MKLN1: variants seen among roughly 807,000 people sequenced by gnomAD.
MKLN1 encodes the protein muskelin.
A neutral mutation model predicts 99.0 loss-of-function variants in MKLN1; 18 were observed. That is an observed-to-expected ratio of 0.18 (90% CI 0.13 to 0.27). The LOEUF (loss-of-function observed/expected upper bound fraction) is 0.27. Ranked by LOEUF, MKLN1 falls within the 10% of genes least tolerant of loss-of-function variation. MKLN1 has a pLI of 1.00. For synonymous variants in MKLN1, 288 were observed against 293.2 expected, an observed-to-expected ratio of 0.98 and a Z score of 0.18; for missense variants, 621 against 875.9, an observed-to-expected ratio of 0.71 and a Z score of 3.67.
intron 3 of MKLN1, among the ~76,000 whole-genome samples, chr7:131,230,221 A>G (rs1797221677): frequency 6.6e-6 from 1 of 152,134 alleles, no homozygotes; most frequent in Non-Finnish European, 1.5e-5. Context: ...TTTAATATTA[A>G]TATGGGTCAG....
chr7:131,279,370 A>G (rs1265942238), intron 3 of MKLN1, among the ~76,000 whole-genome samples: 3 of 152,224 alleles, frequency 2.0e-5, no homozygotes, highest in Non-Finnish European at 4.4e-5. Flanking sequence ...ATCTTTGCAA[A>G]TGCAAAGATC....
chr7:131,172,574 C>T (rs946685513), intron 2 of MKLN1, among the ~76,000 whole-genome samples: 10 of 152,154 alleles, frequency 6.6e-5, no homozygotes, highest in African/African-American at 2.2e-4. Flanking sequence ...CTCGGCCTCC[C>T]AAAGTGCTAG....
At chr7:131,276,387 C>G (rs938174675) in intron 3 of MKLN1, among the ~76,000 whole-genome samples, 17 of 152,016 alleles carry the variant, frequency 1.1e-4, no homozygotes, top group African/African-American at 4.1e-4. Context: ...GAAGGGAGGT[C>G]AAAGTTCAGA....
intron 3 of MKLN1, among the ~76,000 whole-genome samples, chr7:131,317,985 A>T (rs1344988070): frequency 6.6e-6 from 1 of 152,136 alleles, no homozygotes; most frequent in African/African-American, 2.4e-5. Context: ...CTATAAAGAG[A>T]CTTAGACTCC....
intron 1 of MKLN1, among the ~76,000 whole-genome samples, chr7:131,133,065 C>A (rs1795583329): frequency 6.6e-6 from 1 of 151,586 alleles, no homozygotes; most frequent in South Asian, 2.1e-4. Flanking sequence ...AGGCACTCAA[C>A]AAATATATAT....
intron 11 of MKLN1, among the ~76,000 whole-genome samples, chr7:131,445,039 A>G (rs1261858581): frequency 1.3e-5 from 2 of 152,106 alleles, no homozygotes; most frequent in Admixed American, 6.5e-5. Flanking sequence ...AAAACTAACA[A>G]CAGAATCACT....
chr7:131,324,370 C>T (rs1409342103), upstream of MKLN1: 1 of 152,182 alleles, frequency 6.6e-6, no homozygotes, highest in East Asian at 1.9e-4. Context: ...AGAAACACCA[C>T]CAGCTGGTTG....
intron 1 of MKLN1, among the ~76,000 whole-genome samples, chr7:131,368,540 TG>T (rs1800249419): frequency 6.6e-6 from 1 of 152,166 alleles, no homozygotes; most frequent in Non-Finnish European, 1.5e-5. Context: ...CTTCTTCTCA[TG>T]GCAGCAGGAG....
At chr7:131,279,651 T>G (rs963836166) in intron 3 of MKLN1, among the ~76,000 whole-genome samples, 2 of 151,698 alleles carry the variant, frequency 1.3e-5, no homozygotes, top group African/African-American at 4.8e-5. Flanking sequence ...TTACAAAAAA[T>G]AAAAAAGTTA....
chr7:131,198,692 G>A (rs1796683842), intron 2 of MKLN1, among the ~76,000 whole-genome samples: 1 of 152,148 alleles, frequency 6.6e-6, no homozygotes, highest in Non-Finnish European at 1.5e-5. Flanking sequence ...GTAGAAGACT[G>A]TGAACTATAA....
intron 3 of MKLN1, among the ~76,000 whole-genome samples, chr7:131,247,872 T>TTTGTTTTG (rs1554542122): frequency 6.6e-6 from 1 of 151,534 alleles, no homozygotes; most frequent in African/African-American, 2.4e-5. Context: ...GCTACTGCCT[T>TTTGTTTTG]TTTTGTTTTG....
At chr7:131,428,942 C>A in intron 8 of MKLN1, 91 bp from the exon 9 acceptor site, 2 of 884,130 alleles carry the variant, frequency 2.3e-6, no homozygotes, top group Non-Finnish European at 3.6e-6. Flanking sequence ...GATGTAGCTT[C>A]TTAAGTGGCC....
intron 3 of MKLN1, among the ~76,000 whole-genome samples, chr7:131,217,744 A>G (rs1304925647): frequency 3.3e-5 from 5 of 152,158 alleles, no homozygotes; most frequent in African/African-American, 1.2e-4. Flanking sequence ...TCCTTAAAAG[A>G]GTGTTAGTTT....
At position 131,372,349 on chromosome 7, in the gene MKLN1, A is replaced by G. The variant is rs890222992; in HGVS notation, c.99-3075A>G. On this transcript the variant is annotated intron_variant, in intron 1 of 17. Coordinates refer to ENST00000352689, the MANE Select transcript of MKLN1 (RefSeq NM_013255.5). ...TTTGGGAAAAAGCTTTTTTTGTGAT[A>G]TGAAAGGAATTTGTGTTAATTTTAG... 6.6e-5 allele frequency among the ~76,000 whole-genome samples: 10 copies of G among 152,144 alleles called. No individual in the cohort carries two copies. In the East Asian group the frequency reaches 1.2e-3, roughly 18 times the overall value.
At chr7:131,167,602 G>A (rs1796144712) in intron 2 of MKLN1, among the ~76,000 whole-genome samples, 2 of 150,552 alleles carry the variant, frequency 1.3e-5, no homozygotes, top group South Asian at 4.2e-4. Context: ...AGCCTGGGAG[G>A]TTGAGGCTGC....
Position 131,494,461 on chromosome 7 carries a change from CAAGT to C in MKLN1, c.*6736_*6739del, listed in dbSNP as rs1260551897. 6.6e-6 allele frequency: 1 copy of C among 151,544 alleles called. No individual in the cohort carries two copies. The highest frequency in any genetic ancestry group is 1.5e-5 in the Non-Finnish European group (1 of 67,998). The allele number at this position is 151,544 out of a possible 1,614,324, so 9.4% of individuals were successfully genotyped here. A position where few individuals can be genotyped will look rare whatever the true frequency, so the allele number is the denominator to read the frequency against. On this transcript the variant is annotated 3_prime_UTR_variant, in exon 18 of 18. Coordinates refer to ENST00000352689, the MANE Select transcript of MKLN1 (RefSeq NM_013255.5). ...AATAATACCAAGTTATAAATAATAC[CAAGT>C]AATTATCAACTCACTCCCAAATTTA...
intron 3 of MKLN1, among the ~76,000 whole-genome samples, chr7:131,306,714 T>C (rs1025057061): frequency 6.6e-6 from 1 of 152,168 alleles, no homozygotes; most frequent in Non-Finnish European, 1.5e-5. Context: ...AAAGAGATGA[T>C]CTGAAATTGC....
chr7:131,205,359 T>C (rs1796794171), intron 3 of MKLN1, among the ~76,000 whole-genome samples: 2 of 152,242 alleles, frequency 1.3e-5, no homozygotes, highest in African/African-American at 2.4e-5. Context: ...TAAAACATAT[T>C]AATTAAATCT....
At chr7:131,332,369 C>G (rs866179042) in intron 1 of MKLN1, among the ~76,000 whole-genome samples, 1 of 147,966 alleles carries the variant, frequency 6.8e-6, no homozygotes, top group Middle Eastern at 3.6e-3. Context: ...TATATATATT[C>G]TTTTCTTCTT....
Sources: gnomAD v4.1 joint callset for allele counts (sites outside exome capture counted in the v4.1 genomes callset) on GRCh38, gnomAD v4.1.1 for gene constraint, MANE v1.5 for transcripts, NCBI Gene and HGNC (gene_info 2026-07-23, HGNC 2026-07-21) for gene names.